ZRANB3: variants seen among roughly 807,000 people sequenced by gnomAD.
The protein encoded by ZRANB3 is DNA annealing helicase and endonuclease ZRANB3.
A neutral mutation model predicts 133.8 loss-of-function variants in ZRANB3; 125 were observed. That is an observed-to-expected ratio of 0.93 (90% confidence interval 0.81 to 1.08). ZRANB3 has a LOEUF of 1.08. Among genes scored for constraint, ZRANB3 ranks in the 50% least tolerant of loss-of-function variants. The probability of loss-of-function intolerance (pLI) is 0.00; values close to 1 mark genes in which losing one functional copy is unlikely to be tolerated. For synonymous variants in ZRANB3, 387 were observed against 432.7 expected (o/e 0.89, Z 1.31); for missense variants, 1,229 against 1,275.5 (o/e 0.96, Z 0.56).
At chr2:135,415,050 A>G (rs545654392) in intron 2 of ZRANB3, among the ~76,000 whole-genome samples, 2 of 151,536 alleles carry the variant, frequency 1.3e-5, no homozygotes, top group Non-Finnish European at 2.9e-5. Context: ...AAGAACTAGA[A>G]AAGCAAGAGC....
chr2:135,321,462 C>T (rs1273200209), intron 6 of ZRANB3, among the ~76,000 whole-genome samples: 1 of 147,720 alleles, frequency 6.8e-6, no homozygotes, highest in Non-Finnish European at 1.5e-5. Flanking sequence ...TTTCTTATTA[C>T]TGAGTTTTGG....
intron 2 of ZRANB3, 40 bp downstream of exon 2, chr2:135,504,289 A>G (rs1693077881): frequency 6.2e-7 from 1 of 1,609,920 alleles, no homozygotes; most frequent in Non-Finnish European, 8.5e-7. Flanking sequence ...TACACTTTCC[A>G]GGAATTTAAC....
intron 12 of ZRANB3, among the ~76,000 whole-genome samples, chr2:135,254,789 C>T (rs1316732756): frequency 4.0e-5 from 6 of 151,738 alleles, no homozygotes; most frequent in Admixed American, 3.9e-4. Context: ...CTTGCTCTGT[C>T]GCCCAGGCTG....
intron 2 of ZRANB3, among the ~76,000 whole-genome samples, chr2:135,398,106 C>G (rs561934563): frequency 2.7e-4 from 41 of 152,104 alleles, no homozygotes; most frequent in Non-Finnish European, 5.4e-4. Context: ...CGCTCTGTCA[C>G]CCAGGCTGGA....
At chr2:135,217,016 GTTATC>G (rs1250999057) in intron 17 of ZRANB3, among the ~76,000 whole-genome samples, 1 of 152,160 alleles carries the variant, frequency 6.6e-6, no homozygotes, top group Non-Finnish European at 1.5e-5. Flanking sequence ...CATGATTATA[GTTATC>G]TTCCATTACT....
At chr2:135,431,777 A>G (rs577122673) in intron 2 of ZRANB3, among the ~76,000 whole-genome samples, 1 of 152,312 alleles carries the variant, frequency 6.6e-6, no homozygotes, top group South Asian at 2.1e-4. Flanking sequence ...ACCTACTAGA[A>G]TGTCTAAAAT....
intron 2 of ZRANB3, among the ~76,000 whole-genome samples, chr2:135,492,171 C>T (rs1387915430): frequency 6.6e-6 from 1 of 152,038 alleles, no homozygotes; most frequent in Admixed American, 6.5e-5. Context: ...GAAACCATAA[C>T]AAATACTATG....
rs142812661 is a variant in ZRANB3 at position 135,384,044 on chromosome 2, C to T, written c.180+6758G>A. The stretch of plus-strand genomic sequence containing the variant: ...CACAAAAAACCCTTCAAAAAATCAA[C>T]GAATCCAGGAGCTGGTTTTTTGAAA... On this transcript the variant is annotated intron_variant, in intron 3 of 20. Coordinates refer to ENST00000264159, the MANE Select transcript of ZRANB3 (RefSeq NM_032143.4). Among the ~76,000 whole-genome samples the T allele has an allele frequency of 7.0e-3, 1,071 of 152,038 alleles. 11 individuals carry two copies. Among genetic ancestry groups the T allele is most frequent in the African/African-American group, 0.024 (1,002 of 41,468 alleles).
chr2:135,454,129 C>T (rs1325832410), intron 2 of ZRANB3, among the ~76,000 whole-genome samples: 1 of 152,178 alleles, frequency 6.6e-6, no homozygotes, highest in Non-Finnish European at 1.5e-5. Context: ...TTCACTATCA[C>T]GAGAATAGCA....
chr2:135,475,816 A>C (rs1691476500), intron 2 of ZRANB3, among the ~76,000 whole-genome samples: 2 of 152,166 alleles, frequency 1.3e-5, no homozygotes. Flanking sequence ...AGTGGCTCAC[A>C]CCTGTAATCC....
chr2:135,504,141 C>T (rs1392880055), intron 2 of ZRANB3, 188 bp downstream of exon 2: 9 of 689,362 alleles, frequency 1.3e-5, no homozygotes, highest in Non-Finnish European at 1.8e-5. Context: ...TAAGAAATCA[C>T]AATTGGTTCA....
At chr2:135,358,549 C>A (rs1020368390) in intron 3 of ZRANB3, among the ~76,000 whole-genome samples, 1 of 152,082 alleles carries the variant, frequency 6.6e-6, no homozygotes, top group Non-Finnish European at 1.5e-5. Flanking sequence ...GCTATCATAT[C>A]ATACTTTCCT....
chr2:135,331,258 T>C (rs1684125622), intron 6 of ZRANB3, among the ~76,000 whole-genome samples: 1 of 152,234 alleles, frequency 6.6e-6, no homozygotes, highest in South Asian at 2.1e-4. Context: ...TCTGGTACGT[T>C]GTGCCTTTTT....
intron 1 of ZRANB3, among the ~76,000 whole-genome samples, chr2:135,517,268 C>T (rs1693738407): frequency 6.6e-6 from 1 of 152,074 alleles, no homozygotes; most frequent in Non-Finnish European, 1.5e-5. Context: ...CTGAAGCCTA[C>T]TTCTGTGAAT....
intron 3 of ZRANB3, among the ~76,000 whole-genome samples, chr2:135,375,050 G>T (rs943997365): frequency 2.6e-5 from 4 of 152,028 alleles, no homozygotes; most frequent in Non-Finnish European, 5.9e-5. Flanking sequence ...TAATACCAAC[G>T]GCTAGTGAGG....
intron 2 of ZRANB3, among the ~76,000 whole-genome samples, chr2:135,427,536 C>T (rs893654814): frequency 6.6e-6 from 1 of 152,108 alleles, no homozygotes; most frequent in African/African-American, 2.4e-5. Context: ...ACAAGAATGA[C>T]AAAACACTGC....
At chr2:135,281,349 C>T (rs1341336247) in intron 8 of ZRANB3, among the ~76,000 whole-genome samples, 7 of 147,362 alleles carry the variant, frequency 4.8e-5, no homozygotes, top group African/African-American at 1.7e-4. Flanking sequence ...CTTTTAAGCT[C>T]TTTTTTTTTT....
At chr2:135,252,181 T>C (rs1388849202) in intron 12 of ZRANB3, among the ~76,000 whole-genome samples, 1 of 152,038 alleles carries the variant, frequency 6.6e-6, no homozygotes, top group Non-Finnish European at 1.5e-5. Context: ...CAACAGATAC[T>C]AGGGTCTACT....
At chr2:135,386,841 G>A (rs1057294250) in intron 3 of ZRANB3, among the ~76,000 whole-genome samples, 3 of 152,038 alleles carry the variant, frequency 2.0e-5, no homozygotes, top group Non-Finnish European at 2.9e-5. Context: ...GGGGCCTTTC[G>A]GGGGTGGGGC....
Sources: gnomAD v4.1 joint callset for allele counts (sites outside exome capture counted in the v4.1 genomes callset) on GRCh38, gnomAD v4.1.1 for gene constraint, MANE v1.5 for transcripts, NCBI Gene and HGNC (gene_info 2026-07-23, HGNC 2026-07-21) for gene names.